The following MEI1 variants were observed in gnomAD, a reference collection of about 807,000 sequenced individuals.
MEI1 encodes meiosis inhibitor protein 1.
A neutral mutation model predicts 146.2 loss-of-function variants in MEI1; 103 were observed. The observed-to-expected ratio is 0.70, with a 90% CI of 0.60 to 0.83. MEI1 has a LOEUF of 0.83. Among genes scored for constraint, MEI1 ranks in the 40% least tolerant of loss-of-function variants. MEI1 has a pLI of 0.00. For missense variants in MEI1, 1,529 were observed against 1,533.0 expected (o/e 1.00, Z 0.04); for synonymous variants, 652 against 628.2 (o/e 1.04, Z -0.57).
At chr22:41,754,977 G>T (rs967921612) in intron 17 of MEI1, among the ~76,000 whole-genome samples, 2 of 152,174 alleles carry the variant, frequency 1.3e-5, no homozygotes, top group Admixed American at 1.3e-4. Flanking sequence ...GAAGTGGTAT[G>T]TGAGCAGAGG....
At chr22:41,709,822 C>T (rs1243497682) in intron 3 of MEI1, among the ~76,000 whole-genome samples, 1 of 151,986 alleles carries the variant, frequency 6.6e-6, no homozygotes. Flanking sequence ...GACATGAGGC[C>T]TCAAAATGGC....
intron 19 of MEI1, chr22:41,767,675 A>G (rs565436159): frequency 6.7e-6 from 3 of 448,550 alleles, no homozygotes; most frequent in East Asian, 1.4e-4. Flanking sequence ...TACTCAACCA[A>G]TGTGGATTGA....
chr22:41,768,019 C>G (rs1232355436), intron 19 of MEI1, among the ~76,000 whole-genome samples: 1 of 152,120 alleles, frequency 6.6e-6, no homozygotes, highest in African/African-American at 2.4e-5. Context: ...TGTGCCTTAG[C>G]TAAGTCATAT....
intron 3 of MEI1, chr22:41,709,384 G>A: frequency 1.4e-6 from 1 of 720,914 alleles, no homozygotes; most frequent in Admixed American, 1.8e-5. Flanking sequence ...CTCTGGCTTT[G>A]GAGGAGCAGA....
intron 24 of MEI1, among the ~76,000 whole-genome samples, chr22:41,782,656 G>T (rs892538313): frequency 6.6e-6 from 1 of 152,206 alleles, no homozygotes; most frequent in Non-Finnish European, 1.5e-5. Flanking sequence ...GCCTCTAGAG[G>T]GGCAACAAGC....
intron 3 of MEI1, chr22:41,709,268 G>T (rs2069348126): frequency 2.4e-6 from 2 of 832,852 alleles, no homozygotes; most frequent in Non-Finnish European, 2.1e-6. Context: ...GTCTGTCTTG[G>T]CATCTCCATT....
chr22:41,724,038 T>G lies in MEI1; in HGVS notation c.829T>G (p.Ser277Ala), dbSNP rs1407701090. Reference sequence around the variant, plus strand: ...AAGTGCTAAGAATATCGAAGGGTCATCAGGAAATACCTCACTGCCTTTGGT... The same window carrying G: ...AAGTGCTAAGAATATCGAAGGGTCAGCAGGAAATACCTCACTGCCTTTGGT... The part of the protein sequence containing the change: ...GESAKNIEGS[S>A]GNTSLPLVLK... The change falls in exon 7 of 31, where the codon TCA (serine) becomes GCA (alanine). Residue 277 changes from serine to alanine, a missense_variant. Coordinates refer to ENST00000401548, the MANE Select transcript of MEI1 (RefSeq NM_152513.4). The G allele has an allele frequency of 1.2e-6, 2 of 1,613,804 alleles. No individual in the cohort carries two copies. Among genetic ancestry groups the G allele is most frequent in the Non-Finnish European group, 1.7e-6 (2 of 1,179,858 alleles).
intron 11 of MEI1, among the ~76,000 whole-genome samples, chr22:41,741,904 A>G (rs1351021610): frequency 1.3e-5 from 2 of 148,278 alleles, no homozygotes; most frequent in African/African-American, 5.1e-5. Context: ...AGATTGCGCC[A>G]CTGTACCCCA....
intron 19 of MEI1, among the ~76,000 whole-genome samples, chr22:41,766,785 G>C (rs1329451397): frequency 2.0e-5 from 3 of 152,086 alleles, no homozygotes; most frequent in African/African-American, 7.2e-5. Context: ...CCCTGCCTTA[G>C]CCTCCCAAAG....
At chr22:41,713,471 G>C in intron 3 of MEI1, among the ~76,000 whole-genome samples, 1 of 93,286 alleles carries the variant, frequency 1.1e-5, no homozygotes, top group Non-Finnish European at 2.1e-5. Flanking sequence ...CAAAGCAAAA[G>C]CAAAATCAAA....
Position 41,778,751 on chromosome 22 carries a change from G to A in MEI1, c.2754G>A (p.Met918Ile), listed in dbSNP as rs780525401. ...TGCTGCTGAGCCTCCTCTCCCTGAT[G>A]CAGCTCAGGAATGTGTCAGAGCAAG... Reference protein sequence around the residue: ...LPLLLSLLSLMQLRNVSEQEL... With the variant: ...LPLLLSLLSLIQLRNVSEQEL... Residue 918 changes from methionine to isoleucine, a missense_variant, in exon 22 of 31, where the codon ATG (methionine) becomes ATA (isoleucine). Met to Ile is a conservative substitution (Grantham distance 10). This residue lies in a region of MEI1 where 1,212 missense variants were observed against 1,178.9 expected (regional missense o/e 1.03). Coordinates refer to ENST00000401548, the MANE Select transcript of MEI1 (RefSeq NM_152513.4). 1.9e-6 allele frequency: 3 copies of A among 1,609,392 alleles called. No individual in the cohort carries two copies. Among genetic ancestry groups the A allele is most frequent in the Non-Finnish European group, 1.7e-6 (2 of 1,177,974 alleles).
intron 19 of MEI1, chr22:41,767,557 G>A (rs1445923762): frequency 2.2e-6 from 1 of 455,896 alleles, no homozygotes; most frequent in Non-Finnish European, 4.4e-6. Context: ...ACTTATGCCT[G>A]GAAACTCTTC....
chr22:41,744,092 G>A (rs993117694), intron 12 of MEI1, among the ~76,000 whole-genome samples: 5 of 151,892 alleles, frequency 3.3e-5, no homozygotes, highest in African/African-American at 1.2e-4. Flanking sequence ...GGCCAGGCTG[G>A]TCTCGAACTC....
chr22:41,732,344 G>A lies in MEI1; in HGVS notation c.1196G>A (p.Arg399Gln), dbSNP rs2071937564. The A allele has an allele frequency of 4.3e-6, 7 of 1,612,948 alleles. No homozygotes were observed. Among genetic ancestry groups the A allele is most frequent in the Admixed American group, 3.3e-5 (2 of 59,806 alleles). The change falls in exon 10 of 31, where the codon CGG becomes CAG. Residue 399 changes from arginine to glutamine, a missense_variant and splice_region_variant. By Grantham distance (43) the Arg-to-Gln change is conservative. Transcript: ENST00000401548. ...CTGCTTTTCGCTGAAATCCTGACCC[G>A]GTGAGCAAAGTGGTGGAACATGAGG... ...GLLLFAEILT[R>Q]QPEEIKLFTS...
At chr22:41,720,806 C>T (rs1193633847) in intron 6 of MEI1, among the ~76,000 whole-genome samples, 1 of 150,934 alleles carries the variant, frequency 6.6e-6, no homozygotes, top group Non-Finnish European at 1.5e-5. Context: ...GAGTCTCGCT[C>T]TGCTGGCCAG....
intron 5 of MEI1, among the ~76,000 whole-genome samples, chr22:41,716,355 C>CTTTTTTTTTTTTTTTTTTTT (rs6147630): frequency 8.4e-6 from 1 of 118,582 alleles, no homozygotes; most frequent in Non-Finnish European, 1.7e-5. Context: ...TCCATTCATT[C>CTTTTTTTTTTTTTTTTTTTT]TTTTTTTTTT....
At chr22:41,731,772 T>A (rs895179728) in intron 9 of MEI1, among the ~76,000 whole-genome samples, 4 of 152,138 alleles carry the variant, frequency 2.6e-5, no homozygotes, top group African/African-American at 9.7e-5. Flanking sequence ...ACAAATAACA[T>A]TGGTTCTTGC....
chr22:41,771,015 T>C, intron 20 of MEI1, 54 bp downstream of exon 20: 3 of 1,574,538 alleles, frequency 1.9e-6, no homozygotes, highest in Non-Finnish European at 2.6e-6. Flanking sequence ...CTTCTCTCTC[T>C]GAGAGCCGGT....
chr22:41,723,149 T>G (rs1001999892), intron 6 of MEI1, among the ~76,000 whole-genome samples: 16 of 152,218 alleles, frequency 1.1e-4, no homozygotes, highest in Admixed American at 7.2e-4. Context: ...CTCATATACA[T>G]TTTCATGTAT....
Sources: gnomAD v4.1 joint callset for allele counts (sites outside exome capture counted in the v4.1 genomes callset) on GRCh38, gnomAD v4.1.1 for gene constraint, gnomAD v4.1.1 regional missense constraint, MANE v1.5 for transcripts, NCBI Gene and HGNC (gene_info 2026-07-23, HGNC 2026-07-21) for gene names.